The following TRIM33 variants were observed in gnomAD, a reference collection of about 807,000 sequenced individuals.
TRIM33 encodes the protein E3 ubiquitin-protein ligase TRIM33.
TRIM33 carries 20 observed loss-of-function variants against 125.4 expected under a neutral mutation model. That is an observed-to-expected ratio of 0.16 (90% CI 0.11 to 0.23). The LOEUF (loss-of-function observed/expected upper bound fraction) is 0.23. Among genes scored for constraint, TRIM33 ranks in the 10% least tolerant of loss-of-function variants. The probability of loss-of-function intolerance (pLI) is 1.00; values close to 1 mark genes in which losing one functional copy is unlikely to be tolerated. For synonymous variants in TRIM33, 564 were observed against 513.9 expected, an observed-to-expected ratio of 1.10 and a Z score of -1.32; for missense variants, 920 against 1,411.4, an observed-to-expected ratio of 0.65 and a Z score of 5.58.
chr1:114,440,751 A>AT (rs1648602539), intron 4 of TRIM33, among the ~76,000 whole-genome samples: 1 of 152,158 alleles, frequency 6.6e-6, no homozygotes, highest in African/African-American at 2.4e-5. Context: ...TGCATTTTCA[A>AT]TGTAAAAAAA....
intron 4 of TRIM33, among the ~76,000 whole-genome samples, chr1:114,441,927 T>C (rs1306612028): frequency 6.6e-6 from 1 of 152,236 alleles, no homozygotes; most frequent in Non-Finnish European, 1.5e-5. Context: ...GATATCCTAA[T>C]AGGATCAGAA....
At chr1:114,430,713 C>T in intron 6 of TRIM33, 85 bp downstream of exon 6, 1 of 780,318 alleles carries the variant, frequency 1.3e-6, no homozygotes, top group South Asian at 1.5e-5. Context: ...CCCCCCAATC[C>T]ATCTAAAATA....
intron 14 of TRIM33, among the ~76,000 whole-genome samples, 187 bp downstream of exon 14, chr1:114,406,754 T>A (rs902186344): frequency 6.6e-6 from 1 of 152,262 alleles, no homozygotes; most frequent in East Asian, 1.9e-4. Flanking sequence ...AAGTCTTTTC[T>A]GATTAATTAC....
At chr1:114,420,603 T>C (rs936418153) in intron 11 of TRIM33, among the ~76,000 whole-genome samples, 7 of 152,372 alleles carry the variant, frequency 4.6e-5, no homozygotes, top group Middle Eastern at 3.4e-3. Flanking sequence ...ATGCTGGTTT[T>C]AGCTAAATAA....
chr1:114,399,398 AAC>A, intron 18 of TRIM33, 57 bp downstream of exon 18: 1 of 1,516,032 alleles, frequency 6.6e-7, no homozygotes, highest in Non-Finnish European at 8.9e-7. Context: ...AGAAAAATAA[AAC>A]AAGGAAACAA....
intron 1 of TRIM33, among the ~76,000 whole-genome samples, chr1:114,479,534 T>C (rs1471146686): frequency 6.6e-6 from 1 of 152,098 alleles, no homozygotes; most frequent in East Asian, 1.9e-4. Flanking sequence ...CCTTCAAAAA[T>C]GAAGGCAAAA....
chr1:114,505,198 A>C (rs1377104048), intron 1 of TRIM33, among the ~76,000 whole-genome samples: 1 of 152,222 alleles, frequency 6.6e-6, no homozygotes, highest in Non-Finnish European at 1.5e-5. Context: ...TGCTAGACAG[A>C]AGTTGTGAGA....
chr1:114,423,912 A>G (rs935634076), intron 10 of TRIM33, among the ~76,000 whole-genome samples: 13 of 152,128 alleles, frequency 8.5e-5, no homozygotes, highest in Non-Finnish European at 1.6e-4. Flanking sequence ...TGCCCACTCC[A>G]CCAAAGCTGA....
At chr1:114,409,935 C>T (rs181331770) in intron 12 of TRIM33, among the ~76,000 whole-genome samples, 1 of 152,190 alleles carries the variant, frequency 6.6e-6, no homozygotes, top group East Asian at 1.9e-4. Flanking sequence ...CCTCCTCATG[C>T]CCCAAAGAAG....
At chr1:114,405,360 A>AT in intron 15 of TRIM33, 50 bp downstream of exon 15, 1 of 1,420,494 alleles carries the variant, frequency 7.0e-7, no homozygotes, top group Non-Finnish European at 9.7e-7. Flanking sequence ...TCTGTTATTT[A>AT]TTTTTAGCTT....
Position 114,396,323 on chromosome 1 carries a change from A to C in TRIM33, c.*1325T>G. 4.9e-6 allele frequency: 1 copy of C among 205,796 alleles called. No homozygotes were observed. The highest frequency in any genetic ancestry group is 2.3e-5 in the African/African-American group (1 of 43,896). The allele number at this position is 205,796 out of a possible 1,614,324, so 12.7% of individuals were successfully genotyped here. On this transcript the variant is annotated 3_prime_UTR_variant, in exon 20 of 20. Transcript: ENST00000358465. The stretch of plus-strand genomic sequence containing the variant: ...GGTGGGTTTACTCCAGTAACCATTC[A>C]AGTGGGGATTGGCTCATTTTCAGGA...
At chr1:114,501,007 G>A (rs1652679447) in intron 1 of TRIM33, among the ~76,000 whole-genome samples, 1 of 70,058 alleles carries the variant, frequency 1.4e-5, no homozygotes, top group African/African-American at 7.4e-5. Flanking sequence ...CGGCTAACAC[G>A]GTAAAACCCC....
intron 4 of TRIM33, among the ~76,000 whole-genome samples, chr1:114,460,999 G>A (rs957303164): frequency 6.6e-6 from 1 of 151,780 alleles, no homozygotes; most frequent in Admixed American, 6.6e-5. Flanking sequence ...TCAAGGAAGG[G>A]GTCGTGGGAA....
At chr1:114,429,157 G>T (rs983210505) in intron 6 of TRIM33, among the ~76,000 whole-genome samples, 3 of 151,346 alleles carry the variant, frequency 2.0e-5, no homozygotes, top group Admixed American at 2.0e-4. Flanking sequence ...GTAGGAAAAG[G>T]GACCCACAAC....
intron 11 of TRIM33, among the ~76,000 whole-genome samples, chr1:114,411,591 T>C (rs1227039905): frequency 6.6e-6 from 1 of 152,094 alleles, no homozygotes. Flanking sequence ...AGGGGGAAGA[T>C]GATTCAAAAC....
At chr1:114,450,215 C>T (rs1470159958) in intron 4 of TRIM33, among the ~76,000 whole-genome samples, 1 of 152,158 alleles carries the variant, frequency 6.6e-6, no homozygotes, top group Non-Finnish European at 1.5e-5. Flanking sequence ...GCCAAGACCG[C>T]ACCATCGCAC....
intron 4 of TRIM33, among the ~76,000 whole-genome samples, chr1:114,452,411 G>T (rs1269213019): frequency 6.6e-6 from 1 of 151,960 alleles, no homozygotes; most frequent in Admixed American, 6.6e-5. Context: ...AGTGAGCCCA[G>T]ATCACGCCAC....
intron 6 of TRIM33, among the ~76,000 whole-genome samples, chr1:114,430,191 G>A (rs1455269784): frequency 2.6e-5 from 4 of 151,850 alleles, no homozygotes; most frequent in Admixed American, 2.6e-4. Flanking sequence ...AAGAAATGTG[G>A]TGGGACTACT....
intron 1 of TRIM33, chr1:114,468,950 C>A: frequency 4.4e-6 from 1 of 225,326 alleles, no homozygotes. Context: ...ACCAAGAAAA[C>A]TTATTTTGTC....
Sources: gnomAD v4.1 joint callset for allele counts (sites outside exome capture counted in the v4.1 genomes callset) on GRCh38, gnomAD v4.1.1 for gene constraint, MANE v1.5 for transcripts, NCBI Gene and HGNC (gene_info 2026-07-23, HGNC 2026-07-21) for gene names.